The following SYTL5 variants were observed in gnomAD, a reference collection of about 807,000 sequenced individuals.
SYTL5 encodes the protein synaptotagmin-like protein 5.
In SYTL5, 34 loss-of-function variants were observed where a neutral mutation model predicts 55.9. The observed-to-expected ratio is 0.61, with a 90% CI of 0.46 to 0.81. SYTL5 has a LOEUF of 0.81. Among genes scored for constraint, SYTL5 ranks in the 30% least tolerant of loss-of-function variants. The pLI, the probability that SYTL5 is intolerant of heterozygous loss-of-function variation, is 0.00. For missense variants in SYTL5, 637 were observed against 546.7 expected (o/e 1.17, Z -1.65); for synonymous variants, 221 against 188.7 (o/e 1.17, Z -1.40).
chrX:37,999,121 A>G, the SYTL5 span, among the ~76,000 whole-genome samples: 1 of 112,247 alleles, frequency 8.9e-6, no homozygotes, highest in African/African-American at 3.2e-5. Flanking sequence ...GACTTCACTC[A>G]CTTAAATGTG....
At chrX:37,948,794 G>A in the SYTL5 span, among the ~76,000 whole-genome samples, 7 of 111,276 alleles carry the variant, frequency 6.3e-5, no homozygotes, top group African/African-American at 2.3e-4. Flanking sequence ...TGGCTGAATA[G>A]TATTCCATTT....
At chrX:38,078,795 T>C (rs1027027753) in intron 6 of SYTL5, among the ~76,000 whole-genome samples, 1 of 112,304 alleles carries the variant, frequency 8.9e-6, no homozygotes, top group African/African-American at 3.2e-5. Context: ...CACCAAGTAC[T>C]GGTATATTGA....
intron 2 of SYTL5, among the ~76,000 whole-genome samples, chrX:38,050,657 G>A (rs983549): frequency 0.35 from 38,944 of 110,441 alleles, 7,209 homozygotes; most frequent in African/African-American, 0.72. Flanking sequence ...TAAGAATTAA[G>A]TTGTATGTTT....
At chrX:37,986,740 A>G in the SYTL5 span, among the ~76,000 whole-genome samples, 1 of 111,704 alleles carries the variant, frequency 9.0e-6, no homozygotes, top group South Asian at 3.8e-4. Flanking sequence ...CATATAGTAC[A>G]CTTGTGCTGA....
intron 15 of SYTL5, among the ~76,000 whole-genome samples, chrX:38,122,935 A>T (rs1393755380): frequency 8.9e-6 from 1 of 112,707 alleles, no homozygotes; most frequent in African/African-American, 3.2e-5. Flanking sequence ...TGCTTTCAAA[A>T]ATAAATAACA....
the SYTL5 span, among the ~76,000 whole-genome samples, chrX:37,898,976 C>A: frequency 5.4e-3 from 599 of 111,753 alleles, 1 homozygote; most frequent in African/African-American, 0.019. Context: ...CTTAAAAATA[C>A]TTGTGTATCG....
Position 38,044,075 on chromosome X carries a change from C to T in SYTL5, c.119+10067C>T, listed in dbSNP as rs191212965. The stretch of plus-strand genomic sequence containing the variant: ...ATTGTTTATTGTTTATCACAAATCT[C>T]ACCTTCCTTTCGTAGAATCTGAAAG... On this transcript the variant is annotated intron_variant, in intron 2 of 16. Transcript: ENST00000297875. 3.2e-3 allele frequency among the ~76,000 whole-genome samples: 350 copies of T among 110,956 alleles called. 10 individuals are homozygous for T. Among genetic ancestry groups the T allele is most frequent in the Admixed American group, 0.031 (322 of 10,327 alleles).
the SYTL5 span, among the ~76,000 whole-genome samples, chrX:37,959,987 T>C: frequency 1.2e-4 from 13 of 111,671 alleles, no homozygotes; most frequent in Admixed American, 1.9e-4. Flanking sequence ...TCATACCGTT[T>C]AGAGTGGTAG....
intron 1 of SYTL5, among the ~76,000 whole-genome samples, chrX:38,024,786 G>C (rs1934698790): frequency 9.0e-6 from 1 of 111,517 alleles, no homozygotes; most frequent in East Asian, 2.8e-4. Context: ...TGAAGTATTG[G>C]TATGAAGTTG....
the SYTL5 span, among the ~76,000 whole-genome samples, chrX:37,974,492 G>A: frequency 8.9e-6 from 1 of 111,754 alleles, no homozygotes; most frequent in African/African-American, 3.3e-5. Context: ...AAAGGTCCTA[G>A]ACTTAGGTAG....
rs1363013787 is a variant in SYTL5 at position 38,127,948 on chromosome X, T to C, written c.*1218T>C. The stretch of plus-strand genomic sequence containing the variant: ...TGGTTGTGTCATGTCTACTGATATC[T>C]CATTGGTCAAAGGAAGTCAGAGGGC... On this transcript the variant is annotated 3_prime_UTR_variant, in exon 17 of 17. Transcript: ENST00000297875. 9.0e-6 allele frequency: 1 copy of C among 111,690 alleles called. No homozygotes were observed. The highest frequency in any genetic ancestry group is 1.9e-5 in the Non-Finnish European group (1 of 53,211). The allele number at this position is 111,690 out of a possible 1,213,427, so 9.2% of individuals were successfully genotyped here. A position where few individuals can be genotyped will look rare whatever the true frequency, so the allele number is the denominator to read the frequency against.
chrX:38,054,037 C>T (rs1050447276), intron 2 of SYTL5, among the ~76,000 whole-genome samples, 176 bp from the exon 3 acceptor site: 6 of 111,893 alleles, frequency 5.4e-5, no homozygotes, highest in Admixed American at 1.9e-4. Context: ...TTGAAACTAG[C>T]GACACCAAAT....
chrX:37,977,141 G>C, the SYTL5 span, among the ~76,000 whole-genome samples: 1 of 111,367 alleles, frequency 9.0e-6, no homozygotes, highest in Non-Finnish European at 1.9e-5. Context: ...CACAGTAGAT[G>C]AAAAAAGGAA....
intron 2 of SYTL5, among the ~76,000 whole-genome samples, chrX:38,038,146 C>T (rs957897968): frequency 1.8e-5 from 2 of 112,085 alleles, no homozygotes; most frequent in Non-Finnish European, 3.8e-5. Flanking sequence ...AAATATTAAT[C>T]TCATACAGAA....
At chrX:38,007,252 G>A (rs1437017111) in intron 1 of SYTL5, among the ~76,000 whole-genome samples, 4 of 111,419 alleles carry the variant, frequency 3.6e-5, no homozygotes, top group Admixed American at 9.5e-5. Flanking sequence ...TGAAAAACCT[G>A]GAATAATTTC....
the SYTL5 span, among the ~76,000 whole-genome samples, chrX:37,921,891 T>C: frequency 1.8e-5 from 2 of 111,915 alleles, no homozygotes; most frequent in Admixed American, 9.5e-5. Context: ...TTGTTTCTTT[T>C]GTTAATGAAA....
rs371489447 is a variant in SYTL5, at chrX:38,083,666, A to G, written c.690-5780A>G. ...CCTAATTCTGCTTTGAAGTGATCCTATGATGGCTCACTTGGGCCTAAGTTT... is the reference window on the plus strand; with the variant it reads ...CCTAATTCTGCTTTGAAGTGATCCTGTGATGGCTCACTTGGGCCTAAGTTT... On this transcript the variant is annotated intron_variant, in intron 6 of 16. Coordinates refer to ENST00000297875, the MANE Select transcript of SYTL5 (RefSeq NM_138780.3). Among the ~76,000 whole-genome samples, 5 of 110,403 alleles carry G rather than the reference A, an allele frequency of 4.5e-5. No homozygotes were observed. The South Asian group carries it at 2.0e-3, about 43-fold the overall frequency.
intron 1 of SYTL5, among the ~76,000 whole-genome samples, chrX:38,032,924 T>C (rs1375896355): frequency 9.0e-6 from 1 of 111,252 alleles, no homozygotes; most frequent in Non-Finnish European, 1.9e-5. Context: ...TGGGTCTCAC[T>C]ATGTTGCCCA....
rs185554184 is a variant in SYTL5, at chrX:38,082,054, C to T, written c.689+5353C>T. On this transcript the variant is annotated intron_variant, in intron 6 of 16. Coordinates refer to ENST00000297875, the MANE Select transcript of SYTL5 (RefSeq NM_138780.3). ...CAGTTTGTCAGACCACTGTTCAGCC[C>T]CTGATTTCTGTTTACTTTATATTAT... Among the ~76,000 whole-genome samples the T allele has an allele frequency of 6.3e-5, 7 of 111,730 alleles. No homozygotes were observed. In the East Asian group the frequency reaches 1.1e-3, roughly 18 times the overall value.
Sources: gnomAD v4.1 joint callset for allele counts (sites outside exome capture counted in the v4.1 genomes callset) on GRCh38, gnomAD v4.1.1 for gene constraint, MANE v1.5 for transcripts, NCBI Gene and HGNC (gene_info 2026-07-23, HGNC 2026-07-21) for gene names.